Variants in ZNF529 observed in about 807,000 individuals in gnomAD.
ZNF529 encodes zinc finger protein 529.
ZNF529 carries 11 observed loss-of-function variants against 10.1 expected under a neutral mutation model. That is an observed-to-expected ratio of 1.09 (90% CI 0.69 to 1.81). ZNF529 has a LOEUF of 1.81. Ranked by LOEUF, ZNF529 falls within the 40% of genes most tolerant of loss-of-function variation. The pLI is 0.00. For missense variants in ZNF529, 624 were observed against 666.8 expected (o/e 0.94, Z 0.71); for synonymous variants, 204 against 215.7 (o/e 0.95, Z 0.47).
At chr19:36,578,635 G>A (rs775026916) in intron 2 of ZNF529, among the ~76,000 whole-genome samples, 1 of 149,624 alleles carries the variant, frequency 6.7e-6, no homozygotes, top group African/African-American at 2.5e-5. Flanking sequence ...TTGAGATGAA[G>A]TGTTGCTCTG....
chr19:36,568,887 G>C (rs2035994886), intron 2 of ZNF529, among the ~76,000 whole-genome samples: 1 of 152,164 alleles, frequency 6.6e-6, no homozygotes. Flanking sequence ...CTAGAAATAA[G>C]TGCAGCAGCA....
At chr19:36,552,076 T>C (rs1277100954) in intron 4 of ZNF529, 1 of 152,178 alleles carries the variant, frequency 6.6e-6, no homozygotes, top group Non-Finnish European at 1.5e-5. Flanking sequence ...TTGGTGGCAC[T>C]GAAGATCTTA....
At chr19:36,598,346 C>A (rs2036872525) in intron 1 of ZNF529, among the ~76,000 whole-genome samples, 1 of 151,822 alleles carries the variant, frequency 6.6e-6, no homozygotes, top group Non-Finnish European at 1.5e-5. Context: ...TCTGTGTCTA[C>A]AATAGTAAAA....
chr19:36,599,272 T>C (rs1040356281), intron 1 of ZNF529, among the ~76,000 whole-genome samples: 2 of 152,208 alleles, frequency 1.3e-5, no homozygotes, highest in African/African-American at 4.8e-5. Context: ...TACATACATA[T>C]ATAATTCTGA....
chr19:36,571,002 C>G (rs1217402936), intron 2 of ZNF529, among the ~76,000 whole-genome samples: 1 of 152,068 alleles, frequency 6.6e-6, no homozygotes, highest in African/African-American at 2.4e-5. Context: ...AACTATTAAC[C>G]CCTTTGAAAT....
chr19:36,601,364 A>G lies in ZNF529; in HGVS notation c.-128+3762T>C, dbSNP rs1279470539. Among the ~76,000 whole-genome samples the G allele has an allele frequency of 3.3e-5, 5 of 152,018 alleles. No individual in the cohort carries two copies. The East Asian group carries it at 9.7e-4, about 29-fold the overall frequency. ...CGTGATCCGCCTGCCTCGGCCTCCC[A>G]AAGTGCTGGGATTACAGGTGTGAGT... On this transcript the variant is annotated intron_variant, in intron 1 of 4. Coordinates refer to the ZNF529 transcript ENST00000585960.
In ZNF529 at chr19:36,546,235, AGT is replaced by A. The variant is rs34179809; in HGVS notation, c.*629_*630del. 0.55 allele frequency: 81,937 copies of A among 147,660 alleles called. 22,512 individuals carry two copies. The highest frequency in any genetic ancestry group is 0.61 in the African/African-American group (24,579 of 40,212). 9.1% of individuals were successfully genotyped at this position (147,660 alleles called of 1,614,324 possible). ...ATGTGTATATACACTATATGTATAT[AGT>A]GTGTGTGTGTGTGTGTGTGTGTTAT... On this transcript the variant is annotated 3_prime_UTR_variant, in exon 5 of 5. Transcript: ENST00000591340.
chr19:36,560,674 C>T (rs377012649), intron 2 of ZNF529, among the ~76,000 whole-genome samples: 12 of 151,856 alleles, frequency 7.9e-5, no homozygotes, highest in African/African-American at 2.9e-4. Flanking sequence ...AATGTGAAGA[C>T]CAATATTACT....
chr19:36,553,515 G>C (rs2035343962), intron 4 of ZNF529, among the ~76,000 whole-genome samples: 1 of 152,116 alleles, frequency 6.6e-6, no homozygotes, highest in African/African-American at 2.4e-5. Context: ...AGGAAAGTTA[G>C]TAACTTTCTG....
At chr19:36,592,570 G>T (rs979139005) in intron 1 of ZNF529, among the ~76,000 whole-genome samples, 5 of 149,782 alleles carry the variant, frequency 3.3e-5, no homozygotes, top group African/African-American at 1.2e-4. Context: ...ATCCAGCCTG[G>T]GCAACAAAGC....
rs1393601631 is a variant in ZNF529 at position 36,547,825 on chromosome 19, ATACAT to A, written c.728_732del (p.Asn243IlefsTer6). ...AACTTCTCATTATGAATTTTCTGGTATACATTAAAGTCTTTATAAAAACTACATGT... is the reference window on the plus strand; with the variant it reads ...AACTTCTCATTATGAATTTTCTGGTATAAAGTCTTTATAAAAACTACATGT... On this transcript the variant is annotated frameshift_variant, in exon 5 of 5. Coordinates refer to ENST00000591340, the MANE Select transcript of ZNF529 (RefSeq NM_020951.5). LOFTEE classifies it low-confidence loss of function (END_TRUNC). 2 of 1,609,874 alleles carry A rather than the reference ATACAT, an allele frequency of 1.2e-6. No homozygotes were observed. The highest frequency in any genetic ancestry group is 1.3e-5 in the African/African-American group (1 of 74,694).
At chr19:36,550,822 CCTATG>C (rs2035231652) in intron 4 of ZNF529, among the ~76,000 whole-genome samples, 1 of 152,038 alleles carries the variant, frequency 6.6e-6, no homozygotes, top group South Asian at 2.1e-4. Flanking sequence ...TATTAAGACT[CCTATG>C]CTAATAAAGC....
chr19:36,572,713 C>T (rs2036171962), intron 1 of ZNF529, among the ~76,000 whole-genome samples: 1 of 151,826 alleles, frequency 6.6e-6, no homozygotes, highest in Admixed American at 6.6e-5. Flanking sequence ...CTTCATTTAT[C>T]TATCTTATCT....
chr19:36,550,529 G>C (rs1309438115), intron 4 of ZNF529, among the ~76,000 whole-genome samples: 2 of 152,098 alleles, frequency 1.3e-5, no homozygotes, highest in Non-Finnish European at 2.9e-5. Context: ...CTGGGCAACA[G>C]AGTGAGACTA....
chr19:36,584,742 G>A (rs549535292), intron 2 of ZNF529, among the ~76,000 whole-genome samples: 1 of 151,400 alleles, frequency 6.6e-6, no homozygotes, highest in Admixed American at 6.6e-5. Flanking sequence ...ACTCCACCCT[G>A]GGTAACAGAG....
chr19:36,562,543 A>C (rs1333942336), intron 2 of ZNF529, among the ~76,000 whole-genome samples: 4 of 152,078 alleles, frequency 2.6e-5, no homozygotes, highest in Admixed American at 2.6e-4. Flanking sequence ...TAGTATTAGA[A>C]GGTGGAGCCT....
At chr19:36,605,065 T>G (rs985223752) in intron 1 of ZNF529, 1 of 152,614 alleles carries the variant, frequency 6.6e-6, no homozygotes, top group Non-Finnish European at 1.5e-5. Context: ...CCGCGTCCCA[T>G]GAACCCAGGT....
At chr19:36,550,536 A>G (rs1167553672) in intron 4 of ZNF529, among the ~76,000 whole-genome samples, 1 of 152,102 alleles carries the variant, frequency 6.6e-6, no homozygotes, top group Non-Finnish European at 1.5e-5. Context: ...ACAGAGTGAG[A>G]CTACGTCTTA....
chr19:36,573,629 C>G (rs1342114948), upstream of ZNF529: 1 of 390,652 alleles, frequency 2.6e-6, no homozygotes, highest in African/African-American at 2.1e-5. Flanking sequence ...CCGCGGAATT[C>G]TAGGTGGCCC....
Sources: allele counts gnomAD v4.1 joint callset (sites outside exome capture counted in the v4.1 genomes callset), GRCh38; gene constraint gnomAD v4.1.1; transcripts MANE v1.5; gene names NCBI Gene and HGNC (gene_info 2026-07-23, HGNC 2026-07-21).